The following CNTNAP2 variants were observed in gnomAD, a reference collection of about 807,000 sequenced individuals.
CNTNAP2 encodes the protein contactin-associated protein-like 2.
A neutral mutation model predicts 155.2 loss-of-function variants in CNTNAP2; 98 were observed. The observed-to-expected ratio is 0.63, with a 90% confidence interval of 0.54 to 0.75. The LOEUF (loss-of-function observed/expected upper bound fraction) is 0.75, where lower values mean the gene tolerates loss of function less well. CNTNAP2 is among the 30% of genes least tolerant of loss of function. CNTNAP2 has a pLI of 0.00. For synonymous variants in CNTNAP2, 651 were observed against 631.2 expected (o/e 1.03, Z -0.47); for missense variants, 1,727 against 1,688.1 (o/e 1.02, Z -0.40).
intron 20 of CNTNAP2, among the ~76,000 whole-genome samples, chr7:148,236,761 G>A (rs533287461): frequency 6.6e-6 from 1 of 152,326 alleles, no homozygotes; most frequent in African/African-American, 2.4e-5. Flanking sequence ...TGCTTCTGGG[G>A]AGACCTCAGG....
intron 1 of CNTNAP2, among the ~76,000 whole-genome samples, chr7:146,643,012 T>C (rs1316517216): frequency 7.0e-6 from 1 of 143,488 alleles, no homozygotes; most frequent in African/African-American, 2.7e-5. Flanking sequence ...GGTTTTTTGT[T>C]TTTTTCTTGT....
intron 18 of CNTNAP2, among the ~76,000 whole-genome samples, chr7:148,189,048 G>C (rs1209970655): frequency 1.3e-5 from 2 of 152,176 alleles, no homozygotes; most frequent in Non-Finnish European, 2.9e-5. Context: ...CAGATATGGA[G>C]AGGTAGAGTT....
intron 1 of CNTNAP2, among the ~76,000 whole-genome samples, chr7:146,152,731 G>A (rs1798069960): frequency 6.6e-6 from 1 of 152,020 alleles, no homozygotes; most frequent in South Asian, 2.1e-4. Flanking sequence ...CAATATAACA[G>A]AAAATCTCTG....
At chr7:146,642,997 G>T (rs1333387299) in intron 1 of CNTNAP2, among the ~76,000 whole-genome samples, 1 of 143,644 alleles carries the variant, frequency 7.0e-6, no homozygotes, top group Non-Finnish European at 1.5e-5. Context: ...CCCACTTTTT[G>T]ATGGGGTTTT....
chr7:146,188,907 G>A (rs1798661223), intron 1 of CNTNAP2, among the ~76,000 whole-genome samples: 1 of 152,128 alleles, frequency 6.6e-6, no homozygotes, highest in African/African-American at 2.4e-5. Context: ...AAATGTGGCT[G>A]TACATTATAA....
At chr7:147,675,922 G>A (rs1350446753) in intron 13 of CNTNAP2, among the ~76,000 whole-genome samples, 1 of 151,968 alleles carries the variant, frequency 6.6e-6, no homozygotes, top group African/African-American at 2.4e-5. Context: ...TAAAAATAAC[G>A]ATATTTTAAT....
At chr7:148,004,880 C>T (rs1184321017) in intron 15 of CNTNAP2, among the ~76,000 whole-genome samples, 2 of 152,186 alleles carry the variant, frequency 1.3e-5, no homozygotes, top group Non-Finnish European at 2.9e-5. Flanking sequence ...AATCAAGCAT[C>T]TATCTCCTCT....
chr7:146,874,726 ATTGT>A lies in CNTNAP2; in HGVS notation c.402+34827_402+34830del, dbSNP rs768921296. On this transcript the variant is annotated intron_variant, in intron 3 of 23. Coordinates refer to ENST00000361727, the MANE Select transcript of CNTNAP2 (RefSeq NM_014141.6). Reference sequence around the variant, plus strand: ...AGCTATACTTCAGTTCTTCACTTAAATTGTTTGTCAAGTTTTGACATGATTCTTT... The same window carrying A: ...AGCTATACTTCAGTTCTTCACTTAAATTGTCAAGTTTTGACATGATTCTTT... Among the ~76,000 whole-genome samples the A allele has an allele frequency of 5.9e-5, 9 of 152,194 alleles. 1 individual carries two copies. The highest frequency in any genetic ancestry group is 4.4e-5 in the Non-Finnish European group (3 of 68,038).
At chr7:147,219,858 C>T (rs1803353927) in intron 8 of CNTNAP2, among the ~76,000 whole-genome samples, 1 of 152,026 alleles carries the variant, frequency 6.6e-6, no homozygotes, top group Non-Finnish European at 1.5e-5. Flanking sequence ...TCACTGCAAG[C>T]TCCGCCTCCC....
chr7:146,258,729 T>A (rs1298477732), intron 1 of CNTNAP2, among the ~76,000 whole-genome samples: 1 of 152,160 alleles, frequency 6.6e-6, no homozygotes, highest in Non-Finnish European at 1.5e-5. Flanking sequence ...ATAAAGCCAA[T>A]CAATCCTCAG....
intron 13 of CNTNAP2, among the ~76,000 whole-genome samples, chr7:147,656,574 A>G (rs1328604088): frequency 6.6e-6 from 1 of 152,234 alleles, no homozygotes; most frequent in Non-Finnish European, 1.5e-5. Flanking sequence ...CAGAACTCAC[A>G]TAATTATCAA....
chr7:147,225,321 A>G (rs780914719), intron 8 of CNTNAP2, among the ~76,000 whole-genome samples: 4 of 152,140 alleles, frequency 2.6e-5, no homozygotes, highest in Non-Finnish European at 4.4e-5. Flanking sequence ...TTTGTTTTAT[A>G]GTTTTAAATA....
chr7:146,716,321 C>G (rs918810987), intron 1 of CNTNAP2, among the ~76,000 whole-genome samples: 1 of 151,592 alleles, frequency 6.6e-6, no homozygotes, highest in Non-Finnish European at 1.5e-5. Flanking sequence ...CATACCATTT[C>G]CCCTCCTGGG....
chr7:148,281,905 A>G (rs12112943), intron 21 of CNTNAP2, among the ~76,000 whole-genome samples: 101,319 of 147,464 alleles, frequency 0.69, 35,020 homozygotes, highest in South Asian at 0.81. Flanking sequence ...GCGTGATCTC[A>G]GCTCACTGCA....
chr7:148,087,895 T>G (rs755722268), intron 15 of CNTNAP2, among the ~76,000 whole-genome samples: 1 of 152,144 alleles, frequency 6.6e-6, no homozygotes, highest in South Asian at 2.1e-4. Flanking sequence ...CTCACAGTAA[T>G]TTTTTCCAAA....
intron 12 of CNTNAP2, among the ~76,000 whole-genome samples, chr7:147,611,470 A>G (rs1458061182): frequency 4.6e-5 from 7 of 152,214 alleles, no homozygotes; most frequent in Non-Finnish European, 8.8e-5. Flanking sequence ...TAACATCTCT[A>G]CAATGGAATA....
chr7:147,945,859 T>C (rs1304863735), intron 14 of CNTNAP2, among the ~76,000 whole-genome samples: 1 of 124,938 alleles, frequency 8.0e-6, no homozygotes, highest in Non-Finnish European at 1.9e-5. Flanking sequence ...TTTCTTTTTT[T>C]TTCTTTTTCT....
chr7:146,906,812 G>C (rs1358030064), intron 3 of CNTNAP2, among the ~76,000 whole-genome samples: 1 of 151,308 alleles, frequency 6.6e-6, no homozygotes, highest in Non-Finnish European at 1.5e-5. Flanking sequence ...GAATGACTTT[G>C]ACGAGCTGAG....
chr7:148,247,450 A>G (rs989778044), intron 20 of CNTNAP2, among the ~76,000 whole-genome samples: 4 of 151,966 alleles, frequency 2.6e-5, no homozygotes, highest in African/African-American at 9.7e-5. Context: ...ACTCATTCCC[A>G]TCAGCAAATA....
Sources: allele counts gnomAD v4.1 joint callset (sites outside exome capture counted in the v4.1 genomes callset), GRCh38; gene constraint gnomAD v4.1.1; transcripts MANE v1.5; gene names NCBI Gene and HGNC (gene_info 2026-07-23, HGNC 2026-07-21).